The following SERGEF variants were observed in gnomAD, a reference collection of about 807,000 sequenced individuals.
SERGEF encodes the protein secretion regulating guanine nucleotide exchange factor, also known as secretion-regulating guanine nucleotide exchange factor.
In SERGEF, 51 loss-of-function variants were observed where a neutral mutation model predicts 50.0. The observed-to-expected ratio is 1.02, with a 90% CI of 0.81 to 1.29. The LOEUF (loss-of-function observed/expected upper bound fraction) is 1.29. SERGEF is among the 50% of genes most tolerant of loss of function. The pLI is 0.00. For synonymous variants in SERGEF, 205 were observed against 212.4 expected (o/e 0.97, Z 0.30); for missense variants, 521 against 557.0 (o/e 0.94, Z 0.65).
At position 18,000,527 on chromosome 11, in the gene SERGEF, C is replaced by G; in HGVS notation, c.478G>C (p.Ala160Pro). 2 of 1,588,966 alleles carry G rather than the reference C, an allele frequency of 1.3e-6. No individual in the cohort carries two copies. The highest frequency in any genetic ancestry group is 1.7e-6 in the Non-Finnish European group (2 of 1,172,708). Residue 160 changes from alanine (A) to proline (P), a missense_variant, in exon 5 of 11, where the codon GCT (alanine) becomes CCT (proline). Transcript: ENST00000265965. Reference sequence around the variant, plus strand: ...GCAGCTACTGCATGCCTCAGTCCAGCAGCAATACAAACAACCTTCTCTTTA... The same window carrying G: ...GCAGCTACTGCATGCCTCAGTCCAGGAGCAATACAAACAACCTTCTCTTTA... ...LHKEKVVCIA[A>P]GLRHAVAATA...
At chr11:17,886,551 G>A (rs1399422239) in intron 9 of SERGEF, among the ~76,000 whole-genome samples, 4 of 151,940 alleles carry the variant, frequency 2.6e-5, no homozygotes, top group African/African-American at 9.7e-5. Flanking sequence ...GGGAGGCGAA[G>A]GTTGCAGTGA....
chr11:17,821,085 T>G (rs1344473608), intron 10 of SERGEF, among the ~76,000 whole-genome samples: 1 of 150,938 alleles, frequency 6.6e-6, no homozygotes, highest in Admixed American at 6.6e-5. Flanking sequence ...AGGGTCAGGG[T>G]TTTTGCAGCC....
chr11:17,866,551 C>T lies in SERGEF; in HGVS notation c.1048+11657G>A, dbSNP rs186114353. Among the ~76,000 whole-genome samples the T allele has an allele frequency of 9.9e-5, 15 of 152,276 alleles. No individual in the cohort carries two copies. In the East Asian group the frequency reaches 2.7e-3, roughly 27 times the overall value. ...AGGGAGTCTTGCTCTGTCACCCAGG[C>T]TGGAGTCCAGTGGCAGGATCTTGGC... On this transcript the variant is annotated intron_variant, in intron 10 of 10. Transcript: ENST00000265965.
At chr11:17,799,325 C>T (rs529419264) in intron 10 of SERGEF, among the ~76,000 whole-genome samples, 101 of 152,326 alleles carry the variant, frequency 6.6e-4, no homozygotes, top group African/African-American at 2.2e-3. Context: ...AACCCGCGGC[C>T]TGCAAAAACT....
chr11:17,899,746 G>A (rs1851709488), intron 9 of SERGEF, among the ~76,000 whole-genome samples: 2 of 151,742 alleles, frequency 1.3e-5, no homozygotes, highest in African/African-American at 4.8e-5. Context: ...TGAGGCCAGC[G>A]GTTCAAGACC....
chr11:17,906,588 G>A (rs1156615183), intron 9 of SERGEF, among the ~76,000 whole-genome samples: 5 of 152,126 alleles, frequency 3.3e-5, no homozygotes, highest in South Asian at 2.1e-4. Context: ...CCGCCTCTGC[G>A]CCGCCTTCTG....
intron 10 of SERGEF, among the ~76,000 whole-genome samples, chr11:17,835,368 T>C (rs1346356329): frequency 1.3e-5 from 2 of 152,164 alleles, no homozygotes; most frequent in Non-Finnish European, 2.9e-5. Context: ...ATAGCCACAA[T>C]AGCTCCGTCT....
chr11:17,849,771 G>A (rs935200838), intron 10 of SERGEF, among the ~76,000 whole-genome samples: 4 of 152,222 alleles, frequency 2.6e-5, no homozygotes, highest in Non-Finnish European at 5.9e-5. Flanking sequence ...CTTAGGACCT[G>A]AGAGATTAAT....
chr11:17,830,552 G>A (rs1176497292), intron 10 of SERGEF, among the ~76,000 whole-genome samples: 1 of 151,194 alleles, frequency 6.6e-6, no homozygotes, highest in Non-Finnish European at 1.5e-5. Flanking sequence ...GGAAGAGAGA[G>A]GGAGAGAGAG....
At chr11:17,865,361 TG>T (rs769675260) in intron 10 of SERGEF, among the ~76,000 whole-genome samples, 13 of 152,230 alleles carry the variant, frequency 8.5e-5, no homozygotes, top group Non-Finnish European at 1.5e-4. Context: ...TACTTTTTAT[TG>T]TTATTTTGGA....
At chr11:17,821,775 A>T (rs540024336) in intron 10 of SERGEF, among the ~76,000 whole-genome samples, 1 of 152,354 alleles carries the variant, frequency 6.6e-6, no homozygotes, top group East Asian at 1.9e-4. Context: ...CACTCTAATC[A>T]TGTGTATATG....
intron 9 of SERGEF, among the ~76,000 whole-genome samples, chr11:17,932,585 C>G (rs1245462062): frequency 6.6e-6 from 1 of 152,038 alleles, no homozygotes; most frequent in East Asian, 1.9e-4. Context: ...GGAGGATCAG[C>G]CCTAAGAGGA....
In SERGEF at chr11:17,912,052, C is replaced by T. The variant is rs1851964722; in HGVS notation, c.1012-33808G>A. On this transcript the variant is annotated intron_variant, in intron 9 of 10. Coordinates refer to ENST00000265965, the MANE Select transcript of SERGEF (RefSeq NM_012139.4). ...GTAAGTGGAGGTGGGAATACTGATT[C>T]CAGAATAAAGATAAAAGTAAGACCC... Among the ~76,000 whole-genome samples the T allele has an allele frequency of 4.6e-5, 7 of 152,032 alleles. No homozygotes were observed. In the South Asian group the frequency reaches 1.5e-3, roughly 32 times the overall value.
intron 10 of SERGEF, among the ~76,000 whole-genome samples, chr11:17,864,233 A>G (rs1022971524): frequency 6.6e-6 from 1 of 152,238 alleles, no homozygotes; most frequent in African/African-American, 2.4e-5. Flanking sequence ...AAAGGACCAG[A>G]GCATTGTGCT....
intron 8 of SERGEF, among the ~76,000 whole-genome samples, chr11:17,979,377 T>C (rs1055130152): frequency 2.0e-4 from 31 of 152,044 alleles, no homozygotes; most frequent in African/African-American, 6.0e-4. Context: ...ATCTTGGAGG[T>C]GATCATTCAT....
At chr11:17,788,541 A>T in intron 10 of SERGEF, 128 bp from the exon 11 acceptor site, 1 of 731,072 alleles carries the variant, frequency 1.4e-6, no homozygotes, top group Non-Finnish European at 2.1e-6. Context: ...TTAAGGACAC[A>T]TGGCGGCATC....
At chr11:18,000,942 A>G (rs1565228002) in intron 4 of SERGEF, 1 of 378,800 alleles carries the variant, frequency 2.6e-6, no homozygotes, top group Non-Finnish European at 5.1e-6. Context: ...ACATAAATGA[A>G]TGAGCATGAC....
At position 17,887,222 on chromosome 11, in the gene SERGEF, ATTG is replaced by A. The variant is rs201674257; in HGVS notation, c.1012-8981_1012-8979del. ...GCCTTGGGTTCTAAATGACTTTCCC[ATTG>A]TTCTTTTATAAGGCATTTGCTTCAC... On this transcript the variant is annotated intron_variant, in intron 9 of 10. Transcript: ENST00000265965. Among the ~76,000 whole-genome samples the A allele has an allele frequency of 6.5e-3, 996 of 152,304 alleles. 7 individuals are homozygous for A. The highest frequency in any genetic ancestry group is 0.023 in the African/African-American group (961 of 41,558).
At chr11:17,989,132 T>C (rs934335098) in intron 7 of SERGEF, among the ~76,000 whole-genome samples, 4 of 152,330 alleles carry the variant, frequency 2.6e-5, no homozygotes, top group Admixed American at 6.5e-5. Flanking sequence ...ATGCTTTAAA[T>C]TTTCAAAATA....
Sources: allele counts gnomAD v4.1 joint callset (sites outside exome capture counted in the v4.1 genomes callset), GRCh38; gene constraint gnomAD v4.1.1; transcripts MANE v1.5; gene names NCBI Gene and HGNC (gene_info 2026-07-23, HGNC 2026-07-21).